Variants in ITGB2 observed in about 807,000 individuals in gnomAD.
ITGB2 encodes the protein integrin beta-2.
In ITGB2, 56 loss-of-function variants were observed where a neutral mutation model predicts 86.8. The observed-to-expected ratio is 0.65, with a 90% CI of 0.52 to 0.81. The LOEUF is 0.81. ITGB2 is among the 30% of genes least tolerant of loss of function. ITGB2 has a pLI of 0.00. For synonymous variants in ITGB2, 457 were observed against 450.4 expected (o/e 1.01, Z -0.19); for missense variants, 948 against 1,061.2 (o/e 0.89, Z 1.48).
Position 44,891,920 on chromosome 21 carries a change from G to C in ITGB2, c.1301C>G (p.Thr434Arg), listed in dbSNP as rs147537677. 2.5e-6 allele frequency: 4 copies of C among 1,613,248 alleles called. No individual in the cohort carries two copies. The African/African-American group carries it at 5.3e-5, about 22-fold the overall frequency. ...QSFVIRALGF[T>R]DIVTVQVLPQ... ...AAGAACCTGCACGGTCACTATGTCC[G>C]TGAAGCCCAGCGCCCGGATGACAAA... The change falls in exon 11 of 16, where the codon ACG becomes AGG. Residue 434 changes from threonine to arginine, a missense_variant. By Grantham distance (71) the Thr-to-Arg change is moderately conservative (BLOSUM62 -1). Coordinates refer to ENST00000652462, the MANE Select transcript of ITGB2 (RefSeq NM_000211.5).
At chr21:44,903,102 GAAAT>G (rs975295396) in intron 5 of ITGB2, among the ~76,000 whole-genome samples, 9 of 152,320 alleles carry the variant, frequency 5.9e-5, no homozygotes, top group African/African-American at 2.2e-4. Flanking sequence ...AACATACCAA[GAAAT>G]AAATAAAGGA....
At position 44,890,093 on chromosome 21, in the gene ITGB2, G is replaced by T; in HGVS notation, c.1542C>A (p.Cys514Ter). ...IICSGLGDCV[C>*]GQCLCHTSDV... is the part of the protein sequence containing the mutation. ...CGCTGGTGTGGCACAGGCACTGCCC[G>T]CAGACACAGTCCCCCAGCCCTGAGC... The change falls in exon 12 of 16, where the codon TGC becomes TGA. Residue 514 changes from cysteine (C) to a stop codon, truncating the protein, a stop_gained. Coordinates refer to ENST00000652462, the MANE Select transcript of ITGB2 (RefSeq NM_000211.5). LOFTEE classifies it high-confidence loss of function. The T allele has an allele frequency of 6.2e-7, 1 of 1,613,400 alleles. No homozygotes were observed. The highest frequency in any genetic ancestry group is 8.5e-7 in the Non-Finnish European group (1 of 1,180,002).
chr21:44,901,564 C>T lies in ITGB2; in HGVS notation c.669G>A (p.Lys223=), dbSNP rs1208175247. 2 of 1,614,284 alleles carry T rather than the reference C, an allele frequency of 1.2e-6. No homozygotes were observed. The highest frequency in any genetic ancestry group is 8.5e-7 in the Non-Finnish European group (1 of 1,180,056). ...NSNQFQTEVG[K]QLISGNLDAP... The stretch of plus-strand genomic sequence containing the variant: ...CATCCAGGTTTCCGGAAATCAGCTG[C>T]TTCCCGACCTCGGTCTGAAACTGGT... Residue 223 remains lysine (K), a synonymous_variant, in exon 6 of 16, where the codon AAG becomes AAA. Coordinates refer to ENST00000652462, the MANE Select transcript of ITGB2 (RefSeq NM_000211.5).
In ITGB2 at chr21:44,886,414, T is replaced by C. The variant is rs572463215; in HGVS notation, c.2264A>G (p.Lys755Arg). The C allele has an allele frequency of 1.3e-5, 21 of 1,614,156 alleles. No homozygotes were observed. In the South Asian group the frequency reaches 2.2e-4, roughly 17 times the overall value. ...SQWNNDNPLF[K>R]SATTTVMNPK... is the part of the protein sequence containing the mutation. ...GTTCATGACCGTCGTGGTGGCGCTC[T>C]TGAAAAGGGGATTATCCTGGTGGGA... Residue 755 changes from lysine to arginine, a missense_variant, in exon 16 of 16, where the codon AAG becomes AGG. By Grantham distance (26) the Lys-to-Arg change is conservative. Coordinates refer to ENST00000652462, the MANE Select transcript of ITGB2 (RefSeq NM_000211.5).
chr21:44,907,810 G>C (rs1479735046), intron 3 of ITGB2, among the ~76,000 whole-genome samples: 1 of 152,186 alleles, frequency 6.6e-6, no homozygotes, highest in Non-Finnish European at 1.5e-5. Context: ...AGTCCCGCAG[G>C]CAGGGGGGCA....
At chr21:44,922,378 T>C, upstream of ITGB2, among the ~76,000 whole-genome samples, 1 of 152,042 alleles carries the variant, frequency 6.6e-6, no homozygotes, top group Admixed American at 6.6e-5. Flanking sequence ...TGACAAATCT[T>C]TATTTTGGGC....
At chr21:44,911,237 G>A (rs113934436) in intron 1 of ITGB2, 87 of 271,064 alleles carry the variant, frequency 3.2e-4, no homozygotes, top group Middle Eastern at 1.3e-3. Context: ...CATACTCCCC[G>A]CAAGACACTA....
At chr21:44,907,577 C>G (rs566658386) in intron 3 of ITGB2, among the ~76,000 whole-genome samples, 24 of 152,348 alleles carry the variant, frequency 1.6e-4, no homozygotes, top group African/African-American at 5.1e-4. Flanking sequence ...TGGAGGGGAG[C>G]CTGGGAGGCC....
chr21:44,907,170 C>T (rs529302038), intron 3 of ITGB2, 75 bp from the exon 4 acceptor site: 2 of 1,145,102 alleles, frequency 1.7e-6, no homozygotes, highest in South Asian at 1.4e-5. Flanking sequence ...CCATGGAGGA[C>T]TGAGGACCCA....
At chr21:44,886,711 G>A in intron 15 of ITGB2, 25 bp downstream of exon 15, 1 of 1,613,928 alleles carries the variant, frequency 6.2e-7, no homozygotes, top group Non-Finnish European at 8.5e-7. Context: ...CCCTCTGCGT[G>A]GGACCCCCAA....
At chr21:44,886,702 C>T (rs1356915205) in intron 15 of ITGB2, 34 bp downstream of exon 15, 1 of 1,613,572 alleles carries the variant, frequency 6.2e-7, no homozygotes, top group Non-Finnish European at 8.5e-7. Context: ...CGCACGTGCC[C>T]CTCTGCGTGG....
intron 8 of ITGB2, among the ~76,000 whole-genome samples, chr21:44,896,608 C>T (rs898467881): frequency 6.6e-6 from 1 of 152,208 alleles, no homozygotes; most frequent in Non-Finnish European, 1.5e-5. Flanking sequence ...CTGCGCCCTC[C>T]GCCCACCGCC....
intron 1 of ITGB2, among the ~76,000 whole-genome samples, chr21:44,918,222 C>T (rs547092971): frequency 3.9e-5 from 6 of 152,350 alleles, no homozygotes; most frequent in South Asian, 2.1e-4. Context: ...CCTCCGGGAA[C>T]GGGAGCCAGC....
At position 44,903,574 on chromosome 21, in the gene ITGB2, A is replaced by G. The variant is rs764800801; in HGVS notation, c.329-39T>C. 5 of 1,612,406 alleles carry G rather than the reference A, an allele frequency of 3.1e-6. No homozygotes were observed. In the South Asian group the frequency reaches 5.5e-5, roughly 18 times the overall value. The stretch of plus-strand genomic sequence containing the variant: ...CAGAACAAAAGGAGCCACACCTCAC[A>G]TCTCACACAGGGTGTCTGGGGGCGT... On this transcript the variant is annotated intron_variant, in intron 4 of 15. Coordinates refer to ENST00000652462, the MANE Select transcript of ITGB2 (RefSeq NM_000211.5).
At chr21:44,925,807 G>A (rs137897421), upstream of ITGB2, among the ~76,000 whole-genome samples, 5,364 of 152,236 alleles carry the variant, frequency 0.035, 281 homozygotes, top group African/African-American at 0.12. Context: ...GGCCGGGCGC[G>A]GGGGCTCACG....
rs11088969 is a variant in ITGB2, at chr21:44,910,759, C to A, written c.24G>T (p.Leu8=). 349,634 of 1,613,330 alleles carry A rather than the reference C, an allele frequency of 0.22. 40,682 individuals carry two copies. Among genetic ancestry groups the A allele is most frequent in the South Asian group, 0.36 (32,881 of 91,016 alleles). ...GGGAGAGCAGCCCCACCAGGGCGAG[C>A]AGTGGGGGGCGCAGGCCCAGCATGT... The part of the protein sequence containing the change: MLGLRPP[L]LALVGLLSLG... Residue 8 remains leucine (L), a synonymous_variant, in exon 2 of 16, where the codon CTG becomes CTT. Coordinates refer to ENST00000652462, the MANE Select transcript of ITGB2 (RefSeq NM_000211.5).
chr21:44,927,347 G>C (rs923986014), intron 1 of ITGB2, among the ~76,000 whole-genome samples: 2 of 152,102 alleles, frequency 1.3e-5, no homozygotes, highest in Admixed American at 6.5e-5. Flanking sequence ...GGTTCATAAG[G>C]GATGAGAAAG....
chr21:44,888,829 C>T lies in ITGB2; in HGVS notation c.1944G>A (p.Pro648=), dbSNP rs139840790. The T allele has an allele frequency of 8.4e-5, 135 of 1,610,878 alleles. No homozygotes were observed. Among genetic ancestry groups the T allele is most frequent in the East Asian group, 2.0e-4 (9 of 44,878 alleles). The change falls in exon 14 of 16, where the codon CCG becomes CCA. Residue 648 remains proline, a synonymous_variant. Transcript: ENST00000652462. ...PFGKNCSAAC[P]GLQLSNNPVK... ...CGGGGTTGTTCGACAGCTGCAGGCC[C>T]GGACACGCCGCGCTGCAGTTCTTCC...
At chr21:44,899,848 C>A (rs903776186) in intron 7 of ITGB2, among the ~76,000 whole-genome samples, 5 of 152,220 alleles carry the variant, frequency 3.3e-5, no homozygotes, top group African/African-American at 1.2e-4. Flanking sequence ...CAGCCGCTCA[C>A]CCAGCTCAGG....
Sources: allele counts gnomAD v4.1 joint callset (sites outside exome capture counted in the v4.1 genomes callset), GRCh38; gene constraint gnomAD v4.1.1; transcripts MANE v1.5; gene names NCBI Gene and HGNC (gene_info 2026-07-23, HGNC 2026-07-21).